The following PTPRM variants were observed in gnomAD, a reference collection of about 807,000 sequenced individuals.
PTPRM encodes the protein protein tyrosine phosphatase receptor type M, also known as receptor-type tyrosine-protein phosphatase mu.
Under a neutral mutation model 186.7 loss-of-function variants are expected in PTPRM, and 47 were observed. That is an observed-to-expected ratio of 0.25 (90% CI 0.20 to 0.32). PTPRM has a LOEUF of 0.32. PTPRM is among the 10% of genes least tolerant of loss of function. The pLI is 1.00. For synonymous variants in PTPRM, 668 were observed against 674.9 expected, an observed-to-expected ratio of 0.99 and a Z score of 0.16; for missense variants, 1,494 against 1,865.0, an observed-to-expected ratio of 0.80 and a Z score of 3.66.
At chr18:7,637,703 G>T (rs770942211) in intron 1 of PTPRM, among the ~76,000 whole-genome samples, 4 of 152,160 alleles carry the variant, frequency 2.6e-5, no homozygotes, top group Non-Finnish European at 4.4e-5. Context: ...TCTCACAAAG[G>T]AATTCAGGCA....
intron 2 of PTPRM, among the ~76,000 whole-genome samples, chr18:7,821,945 A>G (rs940729683): frequency 2.6e-5 from 4 of 152,202 alleles, no homozygotes; most frequent in Admixed American, 6.5e-5. Flanking sequence ...TTGCCCCATG[A>G]TATTTTTGGA....
At chr18:8,245,336 C>T (rs931588679) in intron 15 of PTPRM, among the ~76,000 whole-genome samples, 1 of 152,178 alleles carries the variant, frequency 6.6e-6, no homozygotes. Context: ...TTGTACTACA[C>T]ACACACATGG....
chr18:7,961,359 A>C (rs929349215), intron 7 of PTPRM, among the ~76,000 whole-genome samples: 5 of 152,202 alleles, frequency 3.3e-5, no homozygotes, highest in African/African-American at 1.2e-4. Flanking sequence ...GTCTCCTATA[A>C]GTGGAATCAT....
chr18:7,784,908 CA>C (rs1303057443), intron 2 of PTPRM, among the ~76,000 whole-genome samples: 1 of 152,122 alleles, frequency 6.6e-6, no homozygotes, highest in African/African-American at 2.4e-5. Flanking sequence ...GGCTGCCACC[CA>C]GTTGGAGGCC....
At chr18:8,131,599 C>T (rs2092509920) in intron 13 of PTPRM, among the ~76,000 whole-genome samples, 1 of 152,124 alleles carries the variant, frequency 6.6e-6, no homozygotes. Flanking sequence ...GGATGCCTTT[C>T]TTTGTGTTTA....
intron 20 of PTPRM, among the ~76,000 whole-genome samples, chr18:8,300,491 T>C (rs76759557): frequency 0.021 from 3,099 of 146,926 alleles, 105 homozygotes; most frequent in African/African-American, 0.077. Flanking sequence ...TTTAGCAGAT[T>C]CATTACTTCA....
chr18:8,126,712 A>G (rs1255243787), intron 13 of PTPRM, among the ~76,000 whole-genome samples: 2 of 152,166 alleles, frequency 1.3e-5, no homozygotes, highest in Non-Finnish European at 1.5e-5. Context: ...AGATGAAGAT[A>G]TAACTGATTG....
chr18:8,362,471 G>A (rs991056952), intron 23 of PTPRM, among the ~76,000 whole-genome samples: 1 of 152,056 alleles, frequency 6.6e-6, no homozygotes, highest in African/African-American at 2.4e-5. Context: ...AGCAAGAAGG[G>A]CCTCAGAAGC....
chr18:8,008,972 T>C (rs1252517418), intron 7 of PTPRM, among the ~76,000 whole-genome samples: 1 of 152,192 alleles, frequency 6.6e-6, no homozygotes, highest in Non-Finnish European at 1.5e-5. Flanking sequence ...AGGTCCTGGC[T>C]TGAAGACAGT....
At chr18:7,571,123 G>C (rs764841733) in intron 1 of PTPRM, among the ~76,000 whole-genome samples, 1 of 151,572 alleles carries the variant, frequency 6.6e-6, no homozygotes, top group Non-Finnish European at 1.5e-5. Flanking sequence ...TGTATTTTTA[G>C]TAGAGACGGG....
At chr18:8,335,417 T>C (rs1047930414) in intron 22 of PTPRM, among the ~76,000 whole-genome samples, 1 of 152,236 alleles carries the variant, frequency 6.6e-6, no homozygotes. Flanking sequence ...CAGACTTTTC[T>C]TCTTGTGTAT....
chr18:7,567,645 C>T lies in PTPRM; in HGVS notation c.-174C>T, dbSNP rs1450983222. ...GACCCAGGACCCTGTGCCCGCGCCC[C>T]TGGAGCCGCTGGAGTTCGGACTTCT... is the stretch of plus-strand genomic sequence containing the variant. On this transcript the variant is annotated 5_prime_UTR_variant, in exon 1 of 33. Transcript: ENST00000580170. The surrounding 1 kb of genome is among the most constrained non-coding windows in gnomAD (Gnocchi z 4.3). The T allele has an allele frequency of 1.9e-6, 1 of 540,026 alleles. No individual in the cohort carries two copies. Among genetic ancestry groups the T allele is most frequent in the African/African-American group, 2.0e-5 (1 of 49,374 alleles). The allele number at this position is 540,026 out of a possible 1,614,324, so 33.5% of individuals were successfully genotyped here.
chr18:7,723,800 C>G (rs989307781), intron 1 of PTPRM, among the ~76,000 whole-genome samples: 1 of 152,168 alleles, frequency 6.6e-6, no homozygotes, highest in African/African-American at 2.4e-5. Context: ...GGGAGAGCAC[C>G]CTTTTTGTCT....
chr18:7,883,913 G>A (rs1188925098), intron 2 of PTPRM, among the ~76,000 whole-genome samples: 2 of 152,150 alleles, frequency 1.3e-5, no homozygotes, highest in African/African-American at 4.8e-5. Flanking sequence ...GGGTGAGGCA[G>A]GAAGATTGCT....
At chr18:8,285,119 T>C (rs2094942076) in intron 19 of PTPRM, among the ~76,000 whole-genome samples, 1 of 152,194 alleles carries the variant, frequency 6.6e-6, no homozygotes, top group Non-Finnish European at 1.5e-5. Context: ...GTTCTACACA[T>C]TCTACTAATA....
chr18:7,609,060 G>T (rs1295649951), intron 1 of PTPRM, among the ~76,000 whole-genome samples: 2 of 152,146 alleles, frequency 1.3e-5, no homozygotes, highest in Admixed American at 6.5e-5. Context: ...CTTCCCCAGG[G>T]TATGTTTGTG....
At chr18:7,769,542 C>T (rs924700990) in intron 1 of PTPRM, among the ~76,000 whole-genome samples, 7 of 152,214 alleles carry the variant, frequency 4.6e-5, no homozygotes, top group South Asian at 2.1e-4. Flanking sequence ...GGATAAATTC[C>T]GGTACATGAA....
chr18:7,639,555 T>A (rs58361187), intron 1 of PTPRM, among the ~76,000 whole-genome samples: 10,928 of 151,054 alleles, frequency 0.072, 524 homozygotes, highest in South Asian at 0.13. Flanking sequence ...CCTGGCTGAT[T>A]TTTGTATTTT....
At chr18:8,187,750 C>T (rs1419416567) in intron 14 of PTPRM, among the ~76,000 whole-genome samples, 4 of 152,146 alleles carry the variant, frequency 2.6e-5, no homozygotes, top group Non-Finnish European at 4.4e-5. Context: ...ATAGCAGTGA[C>T]GGCAACCATG....
Sources: gnomAD v4.1 joint callset for allele counts (sites outside exome capture counted in the v4.1 genomes callset) on GRCh38, gnomAD v4.1.1 for gene constraint, Gnocchi (gnomAD v3.1) non-coding constraint, MANE v1.5 for transcripts, NCBI Gene and HGNC (gene_info 2026-07-23, HGNC 2026-07-21) for gene names.